CCDC33: variants seen among roughly 807,000 people sequenced by gnomAD.
CCDC33 encodes the protein coiled-coil domain-containing protein 33.
Under a neutral mutation model 91.9 loss-of-function variants are expected in CCDC33, and 94 were observed. The observed-to-expected ratio is 1.02, with a 90% CI of 0.87 to 1.21. The LOEUF is 1.21. CCDC33 is among the 50% of genes most tolerant of loss of function. The probability of loss-of-function intolerance (pLI) is 0.00; values close to 1 mark genes in which losing one functional copy is unlikely to be tolerated. For synonymous variants in CCDC33, 396 were observed against 374.5 expected, an observed-to-expected ratio of 1.06 and a Z score of -0.66; for missense variants, 940 against 935.5, an observed-to-expected ratio of 1.00 and a Z score of -0.06.
chr15:74,275,818 C>T (rs1285043479), intron 7 of CCDC33, among the ~76,000 whole-genome samples: 14 of 152,226 alleles, frequency 9.2e-5, no homozygotes, highest in African/African-American at 3.1e-4. Context: ...TACAGGCGAG[C>T]GCCACCATGC....
chr15:74,240,653 T>C (rs2075317930), intron 1 of CCDC33, among the ~76,000 whole-genome samples: 1 of 151,968 alleles, frequency 6.6e-6, no homozygotes, highest in Admixed American at 6.6e-5. Flanking sequence ...CAGGCTGGAG[T>C]ACCATCTTGG....
intron 1 of CCDC33, among the ~76,000 whole-genome samples, chr15:74,239,774 C>T (rs981484722): frequency 5.3e-5 from 8 of 152,184 alleles, no homozygotes; most frequent in Non-Finnish European, 1.2e-4. Context: ...GGCATGAATT[C>T]CCTCCCCAGG....
Position 74,236,471 on chromosome 15 carries a change from A to G in CCDC33, c.-249A>G, listed in dbSNP as rs778858660. The stretch of plus-strand genomic sequence containing the variant: ...CCCAAGGCCCTTCCACCCACAGACC[A>G]TCTCGCTGCTGAGAGATCCAGGACC... On this transcript the variant is annotated 5_prime_UTR_variant, in exon 1 of 19. Transcript: ENST00000398814. 2 of 470,794 alleles carry G rather than the reference A, an allele frequency of 4.2e-6. No individual in the cohort carries two copies. The highest frequency in any genetic ancestry group is 7.5e-6 in the Non-Finnish European group (2 of 267,004). 29.2% of individuals were successfully genotyped at this position (470,794 alleles called of 1,614,324 possible).
chr15:74,212,733 A>T (rs899992995), upstream of CCDC33: 4 of 152,138 alleles, frequency 2.6e-5, no homozygotes, highest in African/African-American at 9.7e-5. Flanking sequence ...AGCAAAAGTG[A>T]CCTTCTAGCC....
intron 10 of CCDC33, among the ~76,000 whole-genome samples, chr15:74,286,510 A>G (rs1305447848): frequency 6.6e-6 from 1 of 152,130 alleles, no homozygotes; most frequent in African/African-American, 2.4e-5. Flanking sequence ...CACACTGCCC[A>G]GGTTTCCTGG....
chr15:74,332,116 G>A (rs376363820), intron 15 of CCDC33, among the ~76,000 whole-genome samples: 1 of 152,204 alleles, frequency 6.6e-6, no homozygotes, highest in East Asian at 1.9e-4. Context: ...ATCAGCCTCT[G>A]ATAAGCAGAA....
Position 74,218,348 on chromosome 15 carries a change from C to T in CCDC33, c.311-149C>T. 2 of 805,292 alleles carry T rather than the reference C, an allele frequency of 2.5e-6. 1 individual carries two copies. Among genetic ancestry groups the T allele is most frequent in the South Asian group, 3.5e-5 (2 of 57,016 alleles). 49.9% of individuals were successfully genotyped at this position (805,292 alleles called of 1,614,324 possible). ...TGGGTGGGGCCTAGGAGGGAGTCGC[C>T]TACCAGGGAAATCTTAGCCAAGACT... On this transcript the variant is annotated intron_variant, in intron 1 of 2. Coordinates refer to the CCDC33 transcript ENST00000635913. The surrounding 1 kb of genome is among the most constrained non-coding windows in gnomAD (Gnocchi z 4.8).
At position 74,293,784 on chromosome 15, in the gene CCDC33, A is replaced by G. The variant is rs1281066953; in HGVS notation, c.1096-1970A>G. 2.0e-5 allele frequency among the ~76,000 whole-genome samples: 3 copies of G among 152,252 alleles called. No homozygotes were observed. The East Asian group carries it at 5.8e-4, about 29-fold the overall frequency. Reference sequence around the variant, plus strand: ...AGTGTCCCACTCTTCCCATTCCAAGAGTCTTATTATAGCTGCTTTCTCTTT... The same window carrying G: ...AGTGTCCCACTCTTCCCATTCCAAGGGTCTTATTATAGCTGCTTTCTCTTT... On this transcript the variant is annotated intron_variant, in intron 10 of 18. Transcript: ENST00000398814.
intron 7 of CCDC33, among the ~76,000 whole-genome samples, chr15:74,277,046 G>A (rs534429020): frequency 7.2e-4 from 110 of 152,292 alleles, no homozygotes; most frequent in African/African-American, 2.3e-3. Flanking sequence ...GCACCCCACA[G>A]GCATCTGGAA....
At chr15:74,265,539 C>T (rs2076143943) in intron 3 of CCDC33, among the ~76,000 whole-genome samples, 1 of 152,118 alleles carries the variant, frequency 6.6e-6, no homozygotes, top group African/African-American at 2.4e-5. Flanking sequence ...GTTATATAAC[C>T]CTCTGAGCTC....
chr15:74,261,544 G>T (rs1356449692), intron 2 of CCDC33, among the ~76,000 whole-genome samples: 1 of 152,198 alleles, frequency 6.6e-6, no homozygotes, highest in Non-Finnish European at 1.5e-5. Flanking sequence ...CCTCCGCAAG[G>T]TGTGTGGTGT....
At chr15:74,301,156 A>G (rs1451530497) in intron 11 of CCDC33, 1 of 152,228 alleles carries the variant, frequency 6.6e-6, no homozygotes, top group Non-Finnish European at 1.5e-5. Context: ...AATAGTCAAC[A>G]GCCTGCAAGC....
intron 2 of CCDC33, among the ~76,000 whole-genome samples, chr15:74,255,622 G>A (rs1039142979): frequency 4.6e-5 from 7 of 152,260 alleles, no homozygotes; most frequent in African/African-American, 1.7e-4. Flanking sequence ...GGGGACTGTG[G>A]CAGGGACTCT....
rs35519774 is a variant in CCDC33 at position 74,313,415 on chromosome 15, C to CTTTT, written c.1291-16756_1291-16753dup. 7.3e-4 allele frequency among the ~76,000 whole-genome samples: 69 copies of CTTTT among 94,154 alleles called. 1 individual carries two copies. Among genetic ancestry groups the CTTTT allele is most frequent in the African/African-American group, 9.8e-4 (22 of 22,516 alleles). The allele number at this position is 94,154 out of a possible 152,430, so 61.8% of individuals were successfully genotyped here. A position where few individuals can be genotyped will look rare whatever the true frequency, so the allele number is the denominator to read the frequency against. On this transcript the variant is annotated intron_variant, in intron 11 of 18. Transcript: ENST00000398814. ...CACAGATTTCTTTCTTTCTTTCTTT[C>CTTTT]TTTTTTTTTTTTTTTTTTTTTGAGA... is the stretch of plus-strand genomic sequence containing the variant.
chr15:74,256,212 A>G (rs951385107), intron 2 of CCDC33, among the ~76,000 whole-genome samples: 5 of 152,184 alleles, frequency 3.3e-5, no homozygotes, highest in African/African-American at 7.2e-5. Context: ...GCACTAGGGT[A>G]TCGGAGCCCC....
chr15:74,280,949 T>C (rs2059349445), intron 9 of CCDC33, 148 bp downstream of exon 9: 1 of 783,186 alleles, frequency 1.3e-6, no homozygotes, highest in South Asian at 4.6e-5. Context: ...TCACCCAGTC[T>C]AGAAGTGAGG....
Position 74,218,424 on chromosome 15 carries a change from C to A in CCDC33, c.311-73C>A. On this transcript the variant is annotated intron_variant, in intron 1 of 2. Transcript: ENST00000635913. The surrounding 1 kb of genome is among the most constrained non-coding windows in gnomAD (Gnocchi z 4.8). ...CAGCCCAGGTTTCCCCAGGGCCCTG[C>A]CTGTCCTCCTAGTCACCTGGCAGAT... 1.6e-6 allele frequency: 2 copies of A among 1,220,516 alleles called. No homozygotes were observed. The highest frequency in any genetic ancestry group is 2.1e-6 in the Non-Finnish European group (2 of 951,452). The allele number at this position is 1,220,516 out of a possible 1,614,324, so 75.6% of individuals were successfully genotyped here.
intron 2 of CCDC33, among the ~76,000 whole-genome samples, chr15:74,249,862 C>T (rs538181859): frequency 3.3e-5 from 5 of 152,278 alleles, no homozygotes; most frequent in Admixed American, 2.0e-4. Context: ...GCAGCAGCCC[C>T]TCCAGACAAC....
chr15:74,272,356 C>T (rs1310561500), intron 6 of CCDC33, among the ~76,000 whole-genome samples: 2 of 152,210 alleles, frequency 1.3e-5, no homozygotes, highest in Non-Finnish European at 2.9e-5. Flanking sequence ...TCCCCTAGAC[C>T]TCCTTTTGAG....
Sources: gnomAD v4.1 joint callset for allele counts (sites outside exome capture counted in the v4.1 genomes callset) on GRCh38, gnomAD v4.1.1 for gene constraint, Gnocchi (gnomAD v3.1) non-coding constraint, MANE v1.5 for transcripts, NCBI Gene and HGNC (gene_info 2026-07-23, HGNC 2026-07-21) for gene names.